The following DDX4 variants were observed in gnomAD, a reference collection of about 807,000 sequenced individuals.
The protein encoded by DDX4 is probable ATP-dependent RNA helicase DDX4.
Under a neutral mutation model 100.0 loss-of-function variants are expected in DDX4, and 25 were observed. The observed-to-expected ratio is 0.25, with a 90% CI of 0.18 to 0.35. The LOEUF (loss-of-function observed/expected upper bound fraction) is 0.35, where lower values mean the gene tolerates loss of function less well. Among genes scored for constraint, DDX4 ranks in the 10% least tolerant of loss-of-function variants. DDX4 has a pLI of 1.00. For synonymous variants in DDX4, 259 were observed against 275.7 expected (o/e 0.94, Z 0.60); for missense variants, 635 against 882.4 (o/e 0.72, Z 3.55).
At chr5:55,790,820 C>G in intron 16 of DDX4, 115 bp downstream of exon 16, 3 of 860,072 alleles carry the variant, frequency 3.5e-6, no homozygotes, top group Middle Eastern at 2.3e-4. Flanking sequence ...TATGTGTTAG[C>G]CTCCATCACA....
chr5:55,788,422 A>G (rs1742364644), intron 15 of DDX4, among the ~76,000 whole-genome samples: 1 of 151,978 alleles, frequency 6.6e-6, no homozygotes, highest in South Asian at 2.1e-4. Context: ...GCTGCAGTGA[A>G]CTGTGATTGC....
intron 7 of DDX4, among the ~76,000 whole-genome samples, chr5:55,777,308 G>T (rs1296147272): frequency 2.6e-5 from 4 of 152,166 alleles, no homozygotes; most frequent in African/African-American, 9.7e-5. Context: ...TCAATATGGA[G>T]TTGAAAGTAA....
chr5:55,816,037 C>T (rs1402681503), intron 21 of DDX4, among the ~76,000 whole-genome samples: 1 of 148,158 alleles, frequency 6.7e-6, no homozygotes, highest in Non-Finnish European at 1.5e-5. Context: ...CCACCTGCTT[C>T]AACCTCCCAA....
chr5:55,792,553 A>G, intron 16 of DDX4, 88 bp from the exon 17 acceptor site: 2 of 671,948 alleles, frequency 3.0e-6, no homozygotes, highest in Non-Finnish European at 4.3e-6. Context: ...TTTTTTCTTA[A>G]CAGTATTTTA....
chr5:55,747,918 G>A (rs1759330218), intron 3 of DDX4, among the ~76,000 whole-genome samples: 2 of 152,170 alleles, frequency 1.3e-5, no homozygotes, highest in African/African-American at 4.8e-5. Context: ...AGTAGATGAG[G>A]TAAAACATTT....
chr5:55,748,135 G>A (rs547136618), intron 3 of DDX4, among the ~76,000 whole-genome samples: 1 of 152,264 alleles, frequency 6.6e-6, no homozygotes, highest in African/African-American at 2.4e-5. Context: ...TTCAAAATAT[G>A]TTTATCTTTT....
In DDX4 at chr5:55,816,464, G is replaced by C; in HGVS notation, c.2099G>C (p.Gly700Ala). Residue 700 changes from glycine (G) to alanine (A), a missense_variant and splice_region_variant, in exon 22 of 22, where the codon GGC (glycine) becomes GCC (alanine). Gly to Ala is a moderately conservative substitution (Grantham distance 60, BLOSUM62 0). This residue lies in a region of DDX4 where 73 missense variants were observed against 98.5 expected (regional missense o/e 0.74). Coordinates refer to ENST00000505374, the MANE Select transcript of DDX4 (RefSeq NM_024415.3). ...TTTTTTTTTTTAAATAATTACCAGG[G>C]CAAGAGCACTTTGAACACAGCTGGG... is the stretch of plus-strand genomic sequence containing the variant. ...NVFASVDTRK[G>A]KSTLNTAGFS... The C allele has an allele frequency of 6.2e-7, 1 of 1,605,660 alleles. No homozygotes were observed. The highest frequency in any genetic ancestry group is 8.5e-7 in the Non-Finnish European group (1 of 1,175,724).
chr5:55,796,696 G>A (rs1561510207), intron 17 of DDX4, among the ~76,000 whole-genome samples: 1 of 151,666 alleles, frequency 6.6e-6, no homozygotes, highest in Non-Finnish European at 1.5e-5. Context: ...CATTATTTGT[G>A]CTTGTTTCTT....
chr5:55,796,616 C>G (rs1325069089), intron 17 of DDX4, among the ~76,000 whole-genome samples: 1 of 152,060 alleles, frequency 6.6e-6, no homozygotes, highest in African/African-American at 2.4e-5. Context: ...ACTTTCTTAC[C>G]TGGAGTCGTG....
At chr5:55,774,949 A>G (rs977452368) in intron 7 of DDX4, among the ~76,000 whole-genome samples, 6 of 152,220 alleles carry the variant, frequency 3.9e-5, no homozygotes, top group Non-Finnish European at 7.3e-5. Context: ...TTTGGCATTA[A>G]GTGCACAGTA....
At chr5:55,791,191 T>G (rs1742537971) in intron 16 of DDX4, among the ~76,000 whole-genome samples, 1 of 152,158 alleles carries the variant, frequency 6.6e-6, no homozygotes, top group Non-Finnish European at 1.5e-5. Context: ...TTTAAAAAGA[T>G]TTTAGGGCCA....
In DDX4 at chr5:55,744,225, A is replaced by T. The variant is rs149999718; in HGVS notation, c.70-1939A>T. Among the ~76,000 whole-genome samples, 331 of 152,342 alleles carry T rather than the reference A, an allele frequency of 2.2e-3. 1 individual carries two copies. Among genetic ancestry groups the T allele is most frequent in the African/African-American group, 6.0e-3 (250 of 41,570 alleles). Reference sequence around the variant, plus strand: ...TTAGCAAATAGATGTTACCTAAAGAAGCCTACCTTGGTGCATTCTCTCTAG... The same window carrying T: ...TTAGCAAATAGATGTTACCTAAAGATGCCTACCTTGGTGCATTCTCTCTAG... On this transcript the variant is annotated intron_variant, in intron 2 of 21. Transcript: ENST00000505374.
At chr5:55,792,576 G>T in intron 16 of DDX4, 65 bp from the exon 17 acceptor site, 7 of 787,802 alleles carry the variant, frequency 8.9e-6, no homozygotes, top group South Asian at 4.2e-5. Flanking sequence ...AGTTGGAATT[G>T]TAGAGAATAG....
intron 18 of DDX4, among the ~76,000 whole-genome samples, chr5:55,799,844 G>T (rs1332348391): frequency 6.6e-6 from 1 of 152,068 alleles, no homozygotes; most frequent in Non-Finnish European, 1.5e-5. Context: ...TTTAGTACTT[G>T]CGTTTCAGCT....
chr5:55,790,076 G>A (rs190580817), intron 15 of DDX4, among the ~76,000 whole-genome samples: 4 of 140,686 alleles, frequency 2.8e-5, no homozygotes, highest in Non-Finnish European at 4.6e-5. Context: ...TCCATGTAAC[G>A]AAATACCACC....
chr5:55,764,043 G>A lies in DDX4; in HGVS notation c.313G>A (p.Asp105Asn), dbSNP rs1740734761. The change falls in exon 6 of 22, where the codon GAT becomes AAT. Residue 105 changes from aspartate to asparagine, a missense_variant. By Grantham distance (23) the Asp-to-Asn change is conservative. Transcript: ENST00000505374. ...TTCAAACAGCAGGTTTGAAGATGGTGATAGCTCTGGTTTCTGGAGAGGTAA... is the reference window on the plus strand; with the variant it reads ...TTCAAACAGCAGGTTTGAAGATGGTAATAGCTCTGGTTTCTGGAGAGGTAA... ...GFSNSRFEDG[D>N]SSGFWRESSN... is the part of the protein sequence containing the mutation. 6.2e-7 allele frequency: 1 copy of A among 1,610,766 alleles called. No homozygotes were observed. The highest frequency in any genetic ancestry group is 8.5e-7 in the Non-Finnish European group (1 of 1,177,256).
At chr5:55,786,971 CAG>C (rs376902282) in intron 14 of DDX4, among the ~76,000 whole-genome samples, 3 of 152,144 alleles carry the variant, frequency 2.0e-5, no homozygotes, top group Non-Finnish European at 4.4e-5. Context: ...GCTTATAAAA[CAG>C]AGAGGGAGAA....
intron 3 of DDX4, chr5:55,750,079 A>G (rs62361885): frequency 0.029 from 4,474 of 152,936 alleles, 93 homozygotes; most frequent in Non-Finnish European, 0.048. Context: ...GTATTCTGCT[A>G]ATGCAGTCGA....
chr5:55,815,485 A>G, intron 21 of DDX4, 62 bp downstream of exon 21: 2 of 1,551,768 alleles, frequency 1.3e-6, no homozygotes, highest in African/African-American at 2.8e-5. Context: ...TGTTGTGCTT[A>G]ATATTGTGAA....
Sources: allele counts gnomAD v4.1 joint callset (sites outside exome capture counted in the v4.1 genomes callset), GRCh38; gene constraint gnomAD v4.1.1; regional missense constraint gnomAD v4.1.1; transcripts MANE v1.5; gene names NCBI Gene and HGNC (gene_info 2026-07-23, HGNC 2026-07-21).